Variants in SMCO4 observed in about 807,000 individuals in gnomAD.
SMCO4 encodes single-pass membrane protein with coiled-coil domains 4.
Under a neutral mutation model 3.6 loss-of-function variants are expected in SMCO4, and 4 were observed. The ratio of observed to expected loss-of-function variants is 1.11; its 90% confidence interval spans 0.54 to 2.53. SMCO4 has a LOEUF of 2.53. Among genes scored for constraint, SMCO4 ranks in the 30% most tolerant of loss-of-function variants. The pLI is 0.02. For synonymous variants in SMCO4, 36 were observed against 35.3 expected, an observed-to-expected ratio of 1.02 and a Z score of -0.07; for missense variants, 70 against 80.8, an observed-to-expected ratio of 0.87 and a Z score of 0.51.
At chr11:93,512,216 G>A (rs1171840973) in intron 1 of SMCO4, among the ~76,000 whole-genome samples, 5 of 152,138 alleles carry the variant, frequency 3.3e-5, no homozygotes, top group Non-Finnish European at 5.9e-5. Context: ...GTACAGTCAC[G>A]CACCACATAA....
chr11:93,527,710 C>T (rs1203905156), intron 1 of SMCO4, among the ~76,000 whole-genome samples: 1 of 152,212 alleles, frequency 6.6e-6, no homozygotes, highest in Non-Finnish European at 1.5e-5. Flanking sequence ...ATCCTCCTGC[C>T]TCAGTCTCCC....
chr11:93,503,625 G>C (rs1195624862), intron 1 of SMCO4, among the ~76,000 whole-genome samples: 1 of 152,148 alleles, frequency 6.6e-6, no homozygotes, highest in African/African-American at 2.4e-5. Context: ...AAGAAAGGTA[G>C]ATTACACACA....
At chr11:93,479,433 T>A in intron 2 of SMCO4, 164 bp from the exon 3 acceptor site, 1 of 625,494 alleles carries the variant, frequency 1.6e-6, no homozygotes, top group Non-Finnish European at 2.5e-6. Flanking sequence ...ATCAGCGCTC[T>A]AAGTAGTGGG....
chr11:93,498,246 A>C (rs1008174630), intron 2 of SMCO4, among the ~76,000 whole-genome samples: 2 of 152,228 alleles, frequency 1.3e-5, no homozygotes, highest in African/African-American at 4.8e-5. Context: ...AATTAATAAG[A>C]AACTTTTATG....
intron 1 of SMCO4, among the ~76,000 whole-genome samples, chr11:93,516,381 T>C (rs759762511): frequency 1.3e-5 from 2 of 152,222 alleles, no homozygotes; most frequent in Non-Finnish European, 2.9e-5. Flanking sequence ...CTTCTTTCTA[T>C]ACCACAGTTT....
chr11:93,482,517 C>T (rs1280204480), intron 2 of SMCO4, among the ~76,000 whole-genome samples: 1 of 152,144 alleles, frequency 6.6e-6, no homozygotes, highest in Non-Finnish European at 1.5e-5. Flanking sequence ...AGAGAAAGGG[C>T]CCAGGACTGA....
intron 1 of SMCO4, among the ~76,000 whole-genome samples, chr11:93,526,174 T>C (rs1949105291): frequency 6.6e-6 from 1 of 151,676 alleles, no homozygotes; most frequent in Non-Finnish European, 1.5e-5. Flanking sequence ...ACAGAAAGGG[T>C]CCAATGAAGA....
intron 1 of SMCO4, among the ~76,000 whole-genome samples, chr11:93,507,805 C>T (rs11020389): frequency 0.26 from 39,323 of 152,044 alleles, 5,322 homozygotes; most frequent in Non-Finnish European, 0.29. Context: ...CTGTGTAAGG[C>T]TGGATTTTCT....
intron 2 of SMCO4, among the ~76,000 whole-genome samples, chr11:93,486,160 C>T (rs1185146687): frequency 6.6e-6 from 1 of 152,226 alleles, no homozygotes; most frequent in Non-Finnish European, 1.5e-5. Flanking sequence ...CACAAACATG[C>T]AAGCCTCACA....
intron 1 of SMCO4, chr11:93,538,058 G>A (rs540247784): frequency 6.6e-6 from 1 of 152,534 alleles, no homozygotes; most frequent in Non-Finnish European, 1.5e-5. Flanking sequence ...TTATGACCAC[G>A]TCTGGCACTG....
the SMCO4 span, among the ~76,000 whole-genome samples, chr11:93,551,298 T>C: frequency 3.9e-5 from 6 of 152,226 alleles, no homozygotes; most frequent in Non-Finnish European, 8.8e-5. Context: ...GGAAGTGATC[T>C]GAAAGTTTGA....
At chr11:93,513,418 T>TG (rs959899124) in intron 1 of SMCO4, among the ~76,000 whole-genome samples, 13 of 152,216 alleles carry the variant, frequency 8.5e-5, no homozygotes, top group Admixed American at 4.6e-4. Context: ...TGTTAAATGA[T>TG]GGGGGGGAAC....
rs139376304 is a variant in SMCO4 at position 93,528,172 on chromosome 11, C to T, written c.-154+15104G>A. Among the ~76,000 whole-genome samples the T allele has an allele frequency of 2.6e-5, 4 of 152,152 alleles. No individual in the cohort carries two copies. The East Asian group carries it at 7.7e-4, about 29-fold the overall frequency. The stretch of plus-strand genomic sequence containing the variant: ...CAGAGATGACCACTAAAATAAAGTA[C>T]TTTATGGTCTTTTTCCTACACATAG... On this transcript the variant is annotated intron_variant, in intron 1 of 2. Transcript: ENST00000298966.
intron 1 of SMCO4, among the ~76,000 whole-genome samples, chr11:93,504,692 A>C (rs1948881962): frequency 6.6e-6 from 1 of 152,232 alleles, no homozygotes; most frequent in Non-Finnish European, 1.5e-5. Context: ...ATTTTACTGT[A>C]TCAACATCAT....
chr11:93,515,184 T>C (rs1286871546), intron 1 of SMCO4, among the ~76,000 whole-genome samples: 1 of 152,180 alleles, frequency 6.6e-6, no homozygotes, highest in African/African-American at 2.4e-5. Context: ...TTCCTACAAA[T>C]ACACAGGTCA....
chr11:93,490,432 G>A (rs1469137217), intron 2 of SMCO4, among the ~76,000 whole-genome samples: 2 of 152,048 alleles, frequency 1.3e-5, no homozygotes, highest in African/African-American at 4.8e-5. Context: ...AGAATATAAC[G>A]GCAGCACATG....
intron 1 of SMCO4, chr11:93,535,829 A>C (rs1949219738): frequency 6.3e-7 from 1 of 1,598,570 alleles, no homozygotes; most frequent in Non-Finnish European, 8.5e-7. Context: ...TAAAGGACAT[A>C]CATTTCCTGC....
rs757431053 is a variant in SMCO4, at chr11:93,514,400, ATATATATATATATATATATAT to A, written c.-153-15073_-153-15053del. ...TATATATATATATATATATATATAT[ATATATATATATATATATATAT>A]AAAATTTGGTCTCTTCCAAAGATCA... is the stretch of plus-strand genomic sequence containing the variant. On this transcript the variant is annotated intron_variant, in intron 1 of 2. Coordinates refer to ENST00000298966, the MANE Select transcript of SMCO4 (RefSeq NM_020179.3). Among the ~76,000 whole-genome samples the A allele has an allele frequency of 1.6e-3, 149 of 95,852 alleles. 3 individuals carry two copies. The highest frequency in any genetic ancestry group is 3.1e-3 in the Admixed American group (29 of 9,356). The allele number at this position is 95,852 out of a possible 152,430, so 62.9% of individuals were successfully genotyped here. A position where few individuals can be genotyped will look rare whatever the true frequency, so the allele number is the denominator to read the frequency against.
intron 1 of SMCO4, among the ~76,000 whole-genome samples, chr11:93,514,682 G>A (rs974644227): frequency 6.6e-6 from 1 of 152,016 alleles, no homozygotes; most frequent in African/African-American, 2.4e-5. Flanking sequence ...GCACTCAATA[G>A]TATATTCAAT....
Sources: gnomAD v4.1 joint callset for allele counts (sites outside exome capture counted in the v4.1 genomes callset) on GRCh38, gnomAD v4.1.1 for gene constraint, MANE v1.5 for transcripts, NCBI Gene and HGNC (gene_info 2026-07-23, HGNC 2026-07-21) for gene names.